NXPE3: variants seen among roughly 807,000 people sequenced by gnomAD.
NXPE3 encodes the protein NXPE family member 3.
Under a neutral mutation model 46.1 loss-of-function variants are expected in NXPE3, and 26 were observed. The ratio of observed to expected loss-of-function variants is 0.56; its 90% CI spans 0.41 to 0.78. The LOEUF is 0.78. Ranked by LOEUF, NXPE3 falls within the 30% of genes least tolerant of loss-of-function variation. NXPE3 has a pLI of 0.00. For synonymous variants in NXPE3, 272 were observed against 257.9 expected (o/e 1.05, Z -0.52); for missense variants, 620 against 686.0 (o/e 0.90, Z 1.07).
At chr3:101,802,302 C>G (rs937280097) in intron 5 of NXPE3, among the ~76,000 whole-genome samples, 10 of 151,934 alleles carry the variant, frequency 6.6e-5, no homozygotes, top group African/African-American at 2.2e-4. Context: ...TAAGTAAAAT[C>G]CCTTATTCAC....
chr3:101,800,344 C>T (rs1018722161), intron 4 of NXPE3, among the ~76,000 whole-genome samples: 2 of 152,084 alleles, frequency 1.3e-5, no homozygotes, highest in African/African-American at 2.4e-5. Context: ...ATTTTTCCAG[C>T]TCTCTTTCTA....
chr3:101,800,640 C>G (rs1172642725), intron 4 of NXPE3, among the ~76,000 whole-genome samples: 1 of 151,400 alleles, frequency 6.6e-6, no homozygotes, highest in Non-Finnish European at 1.5e-5. Context: ...TCATCTATTT[C>G]TCCATTAGTT....
At chr3:101,796,308 T>C (rs549235856) in intron 4 of NXPE3, among the ~76,000 whole-genome samples, 1 of 152,348 alleles carries the variant, frequency 6.6e-6, no homozygotes, top group Non-Finnish European at 1.5e-5. Flanking sequence ...AGCCATCTGT[T>C]TGGTATTTCC....
At chr3:101,806,015 G>C (rs1257743930) in intron 5 of NXPE3, among the ~76,000 whole-genome samples, 1 of 151,934 alleles carries the variant, frequency 6.6e-6, no homozygotes, top group East Asian at 1.9e-4. Flanking sequence ...TATGAAATTT[G>C]ATTATGCTGT....
At chr3:101,783,054 T>TA (rs1329862735) in intron 3 of NXPE3, among the ~76,000 whole-genome samples, 1 of 152,206 alleles carries the variant, frequency 6.6e-6, no homozygotes, top group Non-Finnish European at 1.5e-5. Flanking sequence ...ATTAAAATTT[T>TA]AATATATATC....
At position 101,803,914 on chromosome 3, in the gene NXPE3, C is replaced by A. The variant is rs375044118; in HGVS notation, c.848+1925C>A. ...GAATTACAGATGTGAGCCACCATAC[C>A]CCGTTAGAGTTGTGTTTTTAGATTT... On this transcript the variant is annotated intron_variant, in intron 5 of 7. Coordinates refer to ENST00000273347, the MANE Select transcript of NXPE3 (RefSeq NM_145037.4). Among the ~76,000 whole-genome samples the A allele has an allele frequency of 2.0e-5, 3 of 152,226 alleles. No individual in the cohort carries two copies. The East Asian group carries it at 5.8e-4, about 29-fold the overall frequency.
chr3:101,784,295 GA>G (rs1048598489), intron 3 of NXPE3, among the ~76,000 whole-genome samples: 2 of 151,956 alleles, frequency 1.3e-5, no homozygotes, highest in African/African-American at 4.8e-5. Flanking sequence ...GCATGAGGGA[GA>G]AAAAAATACA....
chr3:101,783,163 G>A (rs1482329103), intron 3 of NXPE3, among the ~76,000 whole-genome samples: 1 of 152,100 alleles, frequency 6.6e-6, no homozygotes, highest in Admixed American at 6.5e-5. Flanking sequence ...CCAGGTTCAC[G>A]CTGTTCTCCT....
rs1446297401 is a variant in NXPE3, at chr3:101,807,074, A to G, written c.870A>G (p.Pro290=). ...FFQSGVNIKM[P]VNSSGPDWVT... ...AAAGTGGTGTCAATATCAAAATGCCAGTCAACTCCAGTGGACCTGATTGGG... is the reference window on the plus strand; with the variant it reads ...AAAGTGGTGTCAATATCAAAATGCCGGTCAACTCCAGTGGACCTGATTGGG... Residue 290 remains proline, a synonymous_variant, in exon 6 of 8, where the codon CCA becomes CCG. Transcript: ENST00000273347. 1 of 1,613,310 alleles carries G rather than the reference A, an allele frequency of 6.2e-7. No individual in the cohort carries two copies. The highest frequency in any genetic ancestry group is 1.1e-5 in the South Asian group (1 of 91,048).
At chr3:101,801,154 G>T (rs1000887804) in intron 4 of NXPE3, 81 bp from the exon 5 acceptor site, 1 of 1,417,372 alleles carries the variant, frequency 7.1e-7, no homozygotes, top group African/African-American at 1.4e-5. Context: ...TCACAGAAGT[G>T]TGGGGAGCCC....
chr3:101,802,085 T>TA, intron 5 of NXPE3, 96 bp downstream of exon 5: 1 of 1,211,722 alleles, frequency 8.3e-7, no homozygotes, highest in Non-Finnish European at 1.1e-6. Context: ...ATGTGTTTCT[T>TA]ACCTCTCTCT....
intron 4 of NXPE3, among the ~76,000 whole-genome samples, chr3:101,796,828 G>T (rs779996179): frequency 3.3e-5 from 5 of 152,162 alleles, no homozygotes; most frequent in Non-Finnish European, 5.9e-5. Context: ...TGTATCTTGA[G>T]ATTATTTTTA....
intron 3 of NXPE3, 64 bp from the exon 4 acceptor site, chr3:101,785,338 T>C: frequency 2.5e-6 from 1 of 396,956 alleles, no homozygotes; most frequent in Non-Finnish European, 4.7e-6. Flanking sequence ...ATGTGATGTT[T>C]TTCCTCTCAC....
chr3:101,813,658 C>T (rs949132216), intron 6 of NXPE3, among the ~76,000 whole-genome samples: 10 of 152,192 alleles, frequency 6.6e-5, no homozygotes, highest in African/African-American at 9.7e-5. Context: ...TCTGTTTAAA[C>T]TTCTTCCTTC....
At chr3:101,796,267 C>T (rs192775300) in intron 4 of NXPE3, among the ~76,000 whole-genome samples, 1 of 152,336 alleles carries the variant, frequency 6.6e-6, no homozygotes, top group East Asian at 1.9e-4. Context: ...ATGTTCACTC[C>T]AGCCCATAGG....
intron 7 of NXPE3, among the ~76,000 whole-genome samples, chr3:101,817,840 GTTGT>G (rs1942037634): frequency 1.3e-5 from 2 of 152,108 alleles, no homozygotes; most frequent in East Asian, 1.9e-4. Flanking sequence ...TTTGTTGTGA[GTTGT>G]TTGTGATTGT....
At position 101,816,905 on chromosome 3, in the gene NXPE3, G is replaced by C; in HGVS notation, c.1033G>C (p.Asp345His). The C allele has an allele frequency of 6.2e-7, 1 of 1,614,122 alleles. No homozygotes were observed. The change falls in exon 7 of 8, where the codon GAC (aspartate) becomes CAC (histidine). Residue 345 changes from aspartate to histidine, a missense_variant. By Grantham distance (81) the Asp-to-His change is moderately conservative. Transcript: ENST00000273347. ...TAAGATGCGTCAGTTTAATGACCCT[G>C]ACAACATTACAGAGTGCTTACAAAG... ...KFKMRQFNDP[D>H]NITECLQRKV...
At chr3:101,799,895 GA>G (rs1219653030) in intron 4 of NXPE3, among the ~76,000 whole-genome samples, 1 of 152,044 alleles carries the variant, frequency 6.6e-6, no homozygotes, top group Non-Finnish European at 1.5e-5. Flanking sequence ...ATGTCCATGG[GA>G]TCTGTAGTGA....
In NXPE3 at chr3:101,821,874, C is replaced by T; in HGVS notation, c.1600C>T (p.His534Tyr). ...GATGACCCTGGCCCATTATCTACCGCACAAGCTGCATCCAGATGAAGTTAT... is the reference window on the plus strand; with the variant it reads ...GATGACCCTGGCCCATTATCTACCGTACAAGCTGCATCCAGATGAAGTTAT... ...WEMTLAHYLP[H>Y]KLHPDEVIVK... The change falls in exon 8 of 8, where the codon CAC (histidine) becomes TAC (tyrosine). Residue 534 changes from histidine to tyrosine, a missense_variant. This residue lies in a region of NXPE3 where 34 missense variants were observed against 36.2 expected (regional missense o/e 0.94). Transcript: ENST00000273347. 4 of 1,614,114 alleles carry T rather than the reference C, an allele frequency of 2.5e-6. No individual in the cohort carries two copies. The highest frequency in any genetic ancestry group is 2.2e-5 in the South Asian group (2 of 91,086).
Sources: allele counts gnomAD v4.1 joint callset (sites outside exome capture counted in the v4.1 genomes callset), GRCh38; gene constraint gnomAD v4.1.1; regional missense constraint gnomAD v4.1.1; transcripts MANE v1.5; gene names NCBI Gene and HGNC (gene_info 2026-07-23, HGNC 2026-07-21).